Variants in BBS2 observed in about 807,000 individuals in gnomAD.
The protein encoded by BBS2 is BBSome complex member BBS2.
In BBS2, 62 loss-of-function variants were observed where a neutral mutation model predicts 83.0. That is an observed-to-expected ratio of 0.75 (90% confidence interval 0.61 to 0.92). The LOEUF is 0.92. Among genes scored for constraint, BBS2 ranks in the 40% least tolerant of loss-of-function variants. BBS2 has a pLI of 0.00. For synonymous variants in BBS2, 303 were observed against 326.1 expected (o/e 0.93, Z 0.76); for missense variants, 784 against 901.0 (o/e 0.87, Z 1.66).
Position 56,472,860 on chromosome 16 carries a change from T to C in BBS2, c.*1-2165A>G, listed in dbSNP as rs145569208. Among the ~76,000 whole-genome samples the C allele has an allele frequency of 2.0e-5, 3 of 152,294 alleles. No homozygotes were observed. The East Asian group carries it at 5.8e-4, about 29-fold the overall frequency. ...GATCCTTTTACATCCTTTATAACAA[T>C]AGAACAGGTTTGCACACCCTCCTCA... On this transcript the variant is annotated intron_variant, in intron 17 of 17. Transcript: ENST00000682047.
intron 17 of BBS2, among the ~76,000 whole-genome samples, chr16:56,473,514 G>A (rs962166533): frequency 1.3e-5 from 2 of 152,136 alleles, no homozygotes; most frequent in Admixed American, 6.5e-5. Context: ...TAAGGCAGTT[G>A]CCAAATTGCC....
Position 56,498,420 on chromosome 16 carries a change from G to A in BBS2, c.1659+17C>T, listed in dbSNP as rs372523322. On this transcript the variant is annotated intron_variant, in intron 13 of 16. Coordinates refer to ENST00000245157, the MANE Select transcript of BBS2 (RefSeq NM_031885.5). The stretch of plus-strand genomic sequence containing the variant: ...AATTCAAAAAAGAAATCTATGCCCC[G>A]TGATATTAAACATTACCTCTCCACT... 6.8e-6 allele frequency: 11 copies of A among 1,613,344 alleles called. No homozygotes were observed. The highest frequency in any genetic ancestry group is 4.0e-5 in the African/African-American group (3 of 74,852).
chr16:56,497,100 G>A, intron 14 of BBS2, 21 bp from the exon 15 acceptor site: 3 of 1,535,774 alleles, frequency 2.0e-6, no homozygotes, highest in Non-Finnish European at 2.7e-6. Flanking sequence ...TGAACACTCA[G>A]GAATGAAAAA....
intron 15 of BBS2, among the ~76,000 whole-genome samples, chr16:56,494,017 G>C (rs1964038739): frequency 6.6e-6 from 1 of 151,750 alleles, no homozygotes; most frequent in Non-Finnish European, 1.5e-5. Flanking sequence ...GGATTGCAGT[G>C]TCATGATCAT....
At chr16:56,513,942 G>GT (rs1964653888) in intron 2 of BBS2, among the ~76,000 whole-genome samples, 1 of 152,176 alleles carries the variant, frequency 6.6e-6, no homozygotes, top group South Asian at 2.1e-4. Context: ...TATATGCTTG[G>GT]TAAAAAATCT....
At chr16:56,514,144 A>C (rs906526844) in intron 2 of BBS2, among the ~76,000 whole-genome samples, 1 of 152,268 alleles carries the variant, frequency 6.6e-6, no homozygotes, top group African/African-American at 2.4e-5. Context: ...ATGCAAGTCC[A>C]CCAGGAGACC....
Position 56,497,855 on chromosome 16 carries a change from T to C in BBS2, c.1685A>G (p.Asp562Gly). ...TGACTGGATGATATCACCAGCCAAA[T>C]CAATATCATCAGTATTTATAGTGAT... is the stretch of plus-strand genomic sequence containing the variant. ...GEITINTDDI[D>G]LAGDIIQSMA... Residue 562 changes from aspartate to glycine, a missense_variant, in exon 14 of 17, where the codon GAT becomes GGT. By Grantham distance (94) the Asp-to-Gly change is moderately conservative. Coordinates refer to ENST00000245157, the MANE Select transcript of BBS2 (RefSeq NM_031885.5). 6.2e-7 allele frequency: 1 copy of C among 1,611,802 alleles called. No homozygotes were observed. Among genetic ancestry groups the C allele is most frequent in the South Asian group, 1.1e-5 (1 of 91,070 alleles).
chr16:56,502,044 G>C (rs943192314), intron 9 of BBS2: 2 of 500,366 alleles, frequency 4.0e-6, no homozygotes, highest in Non-Finnish European at 7.3e-6. Context: ...CCCTACTGCT[G>C]ACGAACATCT....
At chr16:56,501,141 T>C (rs1336776722) in intron 10 of BBS2, 116 bp from the exon 11 acceptor site, 7 of 1,371,442 alleles carry the variant, frequency 5.1e-6, no homozygotes, top group African/African-American at 1.4e-5. Flanking sequence ...AAACCCTATC[T>C]CTACTAAAAA....
Position 56,519,975 on chromosome 16 carries a change from C to T in BBS2, c.-113G>A. 1.1e-6 allele frequency: 1 copy of T among 943,542 alleles called. No homozygotes were observed. Among genetic ancestry groups the T allele is most frequent in the Non-Finnish European group, 1.7e-6 (1 of 596,006 alleles). The allele number at this position is 943,542 out of a possible 1,614,324, so 58.4% of individuals were successfully genotyped here. On this transcript the variant is annotated 5_prime_UTR_variant, in exon 1 of 17. Transcript: ENST00000245157. ...ACACTACCTGCGCGGCCCCAGCCGCCTCAGGCCGGACGCGAAACAGCCCGG... is the reference window on the plus strand; with the variant it reads ...ACACTACCTGCGCGGCCCCAGCCGCTTCAGGCCGGACGCGAAACAGCCCGG...
intron 17 of BBS2, chr16:56,470,773 G>A (rs772151135): frequency 3.1e-5 from 50 of 1,595,668 alleles, no homozygotes; most frequent in Non-Finnish European, 4.2e-5. Context: ...AGAGCCAGAG[G>A]AAAATGAAAC....
chr16:56,514,243 G>A (rs866444931), intron 2 of BBS2, among the ~76,000 whole-genome samples: 10 of 152,262 alleles, frequency 6.6e-5, no homozygotes, highest in Admixed American at 4.6e-4. Flanking sequence ...AGATAAGCTC[G>A]AGTGTCACCA....
intron 5 of BBS2, among the ~76,000 whole-genome samples, chr16:56,507,820 T>A (rs985737364): frequency 6.6e-6 from 1 of 151,864 alleles, no homozygotes; most frequent in African/African-American, 2.4e-5. Flanking sequence ...ATACAAAAAT[T>A]AGCTGGGCGC....
At chr16:56,494,453 T>C (rs1488710799) in intron 15 of BBS2, among the ~76,000 whole-genome samples, 5 of 152,150 alleles carry the variant, frequency 3.3e-5, no homozygotes, top group African/African-American at 7.2e-5. Flanking sequence ...ACATCTTTAG[T>C]GGTCAGACCA....
intron 11 of BBS2, chr16:56,500,535 G>T: frequency 3.1e-6 from 1 of 319,558 alleles, no homozygotes; most frequent in Non-Finnish European, 5.9e-6. Flanking sequence ...TGAGGCAGAA[G>T]AATTGCTTGA....
At chr16:56,474,993 G>C in intron 17 of BBS2, 5 of 1,605,838 alleles carry the variant, frequency 3.1e-6, no homozygotes, top group Non-Finnish European at 3.4e-6. Flanking sequence ...CCCCGTAGGA[G>C]GGGCAGTCTC....
At chr16:56,505,771 G>C (rs550727121) in intron 7 of BBS2, among the ~76,000 whole-genome samples, 179 bp downstream of exon 7, 2 of 152,282 alleles carry the variant, frequency 1.3e-5, no homozygotes, top group East Asian at 3.9e-4. Flanking sequence ...CTCTCACTGT[G>C]CAGCTCTTGA....
chr16:56,477,431 CA>C (rs1963534115), intron 17 of BBS2: 1 of 152,196 alleles, frequency 6.6e-6, no homozygotes, highest in African/African-American at 2.4e-5. Flanking sequence ...TAGTCACTTC[CA>C]AGTGCCCACT....
chr16:56,519,567 C>A (rs1474364221), intron 1 of BBS2, 179 bp downstream of exon 1: 5 of 594,354 alleles, frequency 8.4e-6, no homozygotes, highest in African/African-American at 5.6e-5. Flanking sequence ...CTCAGAAAAG[C>A]TCTTCCTCTA....
Sources: gnomAD v4.1 joint callset for allele counts (sites outside exome capture counted in the v4.1 genomes callset) on GRCh38, gnomAD v4.1.1 for gene constraint, MANE v1.5 for transcripts, NCBI Gene and HGNC (gene_info 2026-07-23, HGNC 2026-07-21) for gene names.